CALN1: variants seen among roughly 807,000 people sequenced by gnomAD.
CALN1 encodes the protein calneuron 1, also known as calcium-binding protein 8.
A neutral mutation model predicts 30.6 loss-of-function variants in CALN1; 17 were observed. The observed-to-expected ratio is 0.56, with a 90% CI of 0.38 to 0.83. CALN1 has a LOEUF of 0.83. CALN1 is among the 40% of genes least tolerant of loss of function. The pLI is 0.00. For missense variants in CALN1, 291 were observed against 354.9 expected, an observed-to-expected ratio of 0.82 and a Z score of 1.45; for synonymous variants, 156 against 131.4, an observed-to-expected ratio of 1.19 and a Z score of -1.28.
the CALN1 span, among the ~76,000 whole-genome samples, chr7:72,485,373 A>G: frequency 6.6e-6 from 1 of 152,222 alleles, no homozygotes; most frequent in Non-Finnish European, 1.5e-5. Context: ...AGCCTGAGCA[A>G]CATAGCAAGA....
chr7:71,952,713 G>A (rs778170000), intron 5 of CALN1, among the ~76,000 whole-genome samples: 1 of 151,910 alleles, frequency 6.6e-6, no homozygotes, highest in Non-Finnish European at 1.5e-5. Context: ...CCCAGGTGCC[G>A]GGCTGTTCCC....
intron 1 of CALN1, among the ~76,000 whole-genome samples, chr7:72,435,191 C>T (rs1397884184): frequency 6.7e-6 from 1 of 149,668 alleles, no homozygotes; most frequent in African/African-American, 2.5e-5. Flanking sequence ...GCCATGATTG[C>T]ACCATTGCAC....
chr7:72,361,403 G>A (rs1328857999), intron 2 of CALN1, among the ~76,000 whole-genome samples: 2 of 152,180 alleles, frequency 1.3e-5, no homozygotes, highest in Non-Finnish European at 2.9e-5. Context: ...CTACTCAGGA[G>A]GCTGAGGCAG....
chr7:72,226,511 C>A (rs895125412), intron 3 of CALN1, among the ~76,000 whole-genome samples: 2 of 152,156 alleles, frequency 1.3e-5, no homozygotes, highest in African/African-American at 2.4e-5. Flanking sequence ...AGCTTCAACA[C>A]CCCACATTGT....
chr7:72,320,201 G>A (rs1409028414), intron 2 of CALN1, among the ~76,000 whole-genome samples: 2 of 152,186 alleles, frequency 1.3e-5, no homozygotes, highest in African/African-American at 2.4e-5. Flanking sequence ...AGCAGGCAGA[G>A]AGGGAGGGCC....
At chr7:71,921,574 A>G (rs1293467715) in intron 5 of CALN1, among the ~76,000 whole-genome samples, 2 of 152,154 alleles carry the variant, frequency 1.3e-5, no homozygotes, top group South Asian at 2.1e-4. Context: ...GGATGGACTG[A>G]TTTTCCTAAG....
chr7:72,329,909 G>A (rs540717401), intron 2 of CALN1, among the ~76,000 whole-genome samples: 24 of 152,154 alleles, frequency 1.6e-4, no homozygotes, highest in South Asian at 1.0e-3. Context: ...AGCCGAGATC[G>A]CGCCACTGCA....
intron 3 of CALN1, among the ~76,000 whole-genome samples, chr7:72,201,190 C>T (rs1791389417): frequency 6.6e-6 from 1 of 152,258 alleles, no homozygotes. Context: ...AAACCAAATG[C>T]TGCATATTCT....
intron 5 of CALN1, among the ~76,000 whole-genome samples, chr7:71,841,423 C>T (rs1037670744): frequency 1.1e-4 from 16 of 152,174 alleles, no homozygotes; most frequent in Non-Finnish European, 2.2e-4. Flanking sequence ...ACAAGATCAA[C>T]AAATCTCAAA....
At chr7:71,931,716 C>T (rs1215937970) in intron 5 of CALN1, among the ~76,000 whole-genome samples, 2 of 152,170 alleles carry the variant, frequency 1.3e-5, no homozygotes, top group Non-Finnish European at 1.5e-5. Context: ...CAATCCCAGT[C>T]ATAACTGTGG....
intron 3 of CALN1, among the ~76,000 whole-genome samples, chr7:72,125,094 C>A (rs371792540): frequency 7.9e-5 from 12 of 152,196 alleles, no homozygotes; most frequent in African/African-American, 2.6e-4. Flanking sequence ...AATGGTGCAA[C>A]CTTGGCTCAC....
chr7:72,068,968 A>C (rs1005193356), intron 4 of CALN1, among the ~76,000 whole-genome samples: 2 of 152,264 alleles, frequency 1.3e-5, no homozygotes, highest in Non-Finnish European at 2.9e-5. Flanking sequence ...TGGAGGAAAT[A>C]GGTACACTGA....
At chr7:72,279,869 G>A (rs981005755) in intron 2 of CALN1, among the ~76,000 whole-genome samples, 2 of 152,212 alleles carry the variant, frequency 1.3e-5, no homozygotes, top group African/African-American at 2.4e-5. Context: ...CCTCTGAGCA[G>A]AATTAGGGCC....
intron 5 of CALN1, among the ~76,000 whole-genome samples, chr7:71,954,711 C>T (rs761991958): frequency 4.6e-5 from 7 of 152,108 alleles, no homozygotes; most frequent in Non-Finnish European, 7.4e-5. Context: ...ACATGGTGGT[C>T]ATCAGTGACC....
intron 4 of CALN1, among the ~76,000 whole-genome samples, chr7:72,092,625 TAA>T (rs369445548): frequency 0.021 from 2,183 of 106,128 alleles, 32 homozygotes; most frequent in African/African-American, 0.06. Flanking sequence ...TGTATTCTAG[TAA>T]AAAAAAAAAA....
intron 2 of CALN1, among the ~76,000 whole-genome samples, chr7:72,371,659 C>T (rs1286002084): frequency 6.6e-6 from 1 of 152,136 alleles, no homozygotes; most frequent in Admixed American, 6.5e-5. Flanking sequence ...TAAGAATGGA[C>T]TAATGTAGCA....
At chr7:72,367,793 C>T (rs1425293648) in intron 2 of CALN1, among the ~76,000 whole-genome samples, 1 of 152,060 alleles carries the variant, frequency 6.6e-6, no homozygotes, top group Non-Finnish European at 1.5e-5. Flanking sequence ...TCCGATTGCA[C>T]CAATGCACTC....
chr7:72,467,047 T>C, the CALN1 span, among the ~76,000 whole-genome samples: 1 of 152,102 alleles, frequency 6.6e-6, no homozygotes, highest in Non-Finnish European at 1.5e-5. Flanking sequence ...CAGAAGCCTG[T>C]TCCTGGACTA....
At chr7:72,403,137 C>T (rs989613428) in intron 2 of CALN1, 114 bp downstream of exon 2, 2 of 705,820 alleles carry the variant, frequency 2.8e-6, no homozygotes, top group Non-Finnish European at 4.6e-6. Flanking sequence ...TTCATAGATT[C>T]TCCTCTCCAG....
Sources: gnomAD v4.1 joint callset for allele counts (sites outside exome capture counted in the v4.1 genomes callset) on GRCh38, gnomAD v4.1.1 for gene constraint, MANE v1.5 for transcripts, NCBI Gene and HGNC (gene_info 2026-07-23, HGNC 2026-07-21) for gene names.